The following DDX5 variants were observed in gnomAD, a reference collection of about 807,000 sequenced individuals.
DDX5 encodes probable ATP-dependent RNA helicase DDX5.
DDX5 carries 6 observed loss-of-function variants against 68.6 expected under a neutral mutation model. The observed-to-expected ratio is 0.09, with a 90% confidence interval of 0.05 to 0.17. The LOEUF (loss-of-function observed/expected upper bound fraction) is 0.17. Among genes scored for constraint, DDX5 ranks in the 10% least tolerant of loss-of-function variants. The pLI is 1.00. For synonymous variants in DDX5, 350 were observed against 247.0 expected (o/e 1.42, Z -3.91); for missense variants, 499 against 756.1 (o/e 0.66, Z 3.99).
At chr17:64,501,144 C>G (rs2038288580) in intron 11 of DDX5, 1 of 234,432 alleles carries the variant, frequency 4.3e-6, no homozygotes, top group Non-Finnish European at 8.5e-6. Flanking sequence ...TTTTGAGGAC[C>G]TTGAAACAAA....
intron 1 of DDX5, chr17:64,505,692 C>T (rs1433787981): frequency 2.6e-6 from 4 of 1,518,174 alleles, no homozygotes; most frequent in Non-Finnish European, 3.5e-6. Context: ...AAGTGGTCCC[C>T]TCGCTCCCAC....
In DDX5 at chr17:64,500,226, A is replaced by G; in HGVS notation, c.1542T>C (p.Tyr514=). Reference sequence around the variant, plus strand: ...TAAGCAGGCTAGAGTAACCTCTGTCATAATTTTCCCTGTCTCTAAAGGTAT... The same window carrying G: ...TAAGCAGGCTAGAGTAACCTCTGTCGTAATTTTCCCTGTCTCTAAAGGTAT... The part of the protein sequence containing the change: ...GFNTFRDREN[Y]DRGYSSLLKR... The change falls in exon 13 of 13, where the codon TAT becomes TAC. Residue 514 remains tyrosine, a synonymous_variant. Coordinates refer to ENST00000225792, the MANE Select transcript of DDX5 (RefSeq NM_004396.5). The G allele has an allele frequency of 6.2e-7, 1 of 1,614,200 alleles. No individual in the cohort carries two copies. The highest frequency in any genetic ancestry group is 8.5e-7 in the Non-Finnish European group (1 of 1,180,038).
At chr17:64,505,994 C>T in intron 1 of DDX5, 82 bp downstream of exon 1, 2 of 1,542,948 alleles carry the variant, frequency 1.3e-6, no homozygotes, top group Non-Finnish European at 1.7e-6. Flanking sequence ...GTCCAAGCCG[C>T]AAAGCCCCCG....
intron 11 of DDX5, 120 bp from the exon 12 acceptor site, chr17:64,500,893 T>C: frequency 5.7e-6 from 4 of 707,090 alleles, no homozygotes; most frequent in Non-Finnish European, 9.6e-6. Context: ...CTGCAAAAAA[T>C]ACAGTTAAAA....
rs2038205456 is a variant in DDX5 at position 64,498,272 on chromosome 17, T to C, written c.*1651A>G. On this transcript the variant is annotated 3_prime_UTR_variant, in exon 13 of 13. Transcript: ENST00000225792. ...GAGAGAATGGGGAGAAAAATCACAT[T>C]TATTAGTTAAGACGACCACAGGCTG... Among the ~76,000 whole-genome samples the C allele has an allele frequency of 6.6e-6, 1 of 152,110 alleles. No individual in the cohort carries two copies.
rs1555672587 is a variant in DDX5, at chr17:64,506,184, A to G, written c.-65T>C. The G allele has an allele frequency of 6.3e-7, 1 of 1,585,506 alleles. No homozygotes were observed. The highest frequency in any genetic ancestry group is 2.3e-5 in the East Asian group (1 of 43,810). On this transcript the variant is annotated 5_prime_UTR_variant, in exon 1 of 13. Coordinates refer to ENST00000225792, the MANE Select transcript of DDX5 (RefSeq NM_004396.5). ...GAAAAGCGTGCGACAAGTCGCTGGA[A>G]ATGGCCTCGATGACGGCGAAGCCTT...
chr17:64,499,067 C>A lies in DDX5; in HGVS notation c.*856G>T, dbSNP rs2038229451. On this transcript the variant is annotated 3_prime_UTR_variant, in exon 13 of 13. Transcript: ENST00000225792. Reference sequence around the variant, plus strand: ...AAGACTAGAATCTACAAGTAACCTGCACTAAGAACGAAATTCAGTAAAGGA... The same window carrying A: ...AAGACTAGAATCTACAAGTAACCTGAACTAAGAACGAAATTCAGTAAAGGA... Among the ~76,000 whole-genome samples, 7 of 152,178 alleles carry A rather than the reference C, an allele frequency of 4.6e-5. No homozygotes were observed. The highest frequency in any genetic ancestry group is 1.7e-4 in the African/African-American group (7 of 41,424).
At chr17:64,506,442 C>T (rs1161134772), upstream of DDX5, 7 of 1,330,784 alleles carry the variant, frequency 5.3e-6, no homozygotes, top group East Asian at 5.9e-5. Context: ...TTTCACCCCT[C>T]CCCGCGCCAC....
chr17:64,505,409 G>A (rs1394637944), intron 1 of DDX5: 20 of 526,492 alleles, frequency 3.8e-5, no homozygotes, highest in African/African-American at 2.7e-4. Flanking sequence ...TATAACGCAG[G>A]AAAAAAGAAA....
Position 64,499,876 on chromosome 17 carries a change from TAA to T in DDX5, c.*45_*46del. On this transcript the variant is annotated 3_prime_UTR_variant, in exon 13 of 13. Transcript: ENST00000225792. ...CTATCTTGTCAGATAACACACAATA[TAA>T]AGAGCAATTATGAAAAACAGACATT... 6.7e-7 allele frequency: 1 copy of T among 1,494,068 alleles called. No individual in the cohort carries two copies. Among genetic ancestry groups the T allele is most frequent in the Non-Finnish European group, 9.0e-7 (1 of 1,116,120 alleles). 92.6% of individuals were successfully genotyped at this position (1,494,068 alleles called of 1,614,324 possible).
At position 64,498,955 on chromosome 17, in the gene DDX5, G is replaced by C. The variant is rs1187166432; in HGVS notation, c.*968C>G. ...GTGTTGAGTATGAATAGACCTTACAGTTTGAGGATCTCTAGAATTCCCTGA... is the reference window on the plus strand; with the variant it reads ...GTGTTGAGTATGAATAGACCTTACACTTTGAGGATCTCTAGAATTCCCTGA... On this transcript the variant is annotated 3_prime_UTR_variant, in exon 13 of 13. Transcript: ENST00000225792. Among the ~76,000 whole-genome samples, 1 of 152,184 alleles carries C rather than the reference G, an allele frequency of 6.6e-6. No homozygotes were observed.
chr17:64,504,865 T>G, intron 1 of DDX5, 23 bp from the exon 2 acceptor site: 2 of 1,587,160 alleles, frequency 1.3e-6, no homozygotes, highest in Non-Finnish European at 1.7e-6. Flanking sequence ...AAAACGTTAT[T>G]CACATTTTCA....
intron 11 of DDX5, chr17:64,501,730 T>C (rs1486987342): frequency 2.0e-6 from 1 of 491,410 alleles, no homozygotes; most frequent in Non-Finnish European, 3.6e-6. Flanking sequence ...GAGAGAACAG[T>C]TTACGGGGCA....
At chr17:64,503,608 A>T (rs1317498618) in intron 5 of DDX5, 37 bp from the exon 6 acceptor site, 2 of 1,609,632 alleles carry the variant, frequency 1.2e-6, no homozygotes, top group Non-Finnish European at 1.7e-6. Flanking sequence ...ACAAACCTGG[A>T]TACTAGTTTT....
At chr17:64,502,656 G>A in intron 8 of DDX5, 107 bp from the exon 9 acceptor site, 1 of 878,856 alleles carries the variant, frequency 1.1e-6, no homozygotes, top group Non-Finnish European at 1.8e-6. Context: ...ATGGCTGGAA[G>A]TCAAAGAGGA....
Position 64,504,128 on chromosome 17 carries a change from A to G in DDX5, c.308-12T>C, listed in dbSNP as rs1555671642. 2 of 1,614,024 alleles carry G rather than the reference A, an allele frequency of 1.2e-6. No individual in the cohort carries two copies. Among genetic ancestry groups the G allele is most frequent in the Admixed American group, 3.3e-5 (2 of 60,022 alleles). On this transcript the variant is annotated splice_polypyrimidine_tract_variant and intron_variant, in intron 3 of 12. Coordinates refer to ENST00000225792, the MANE Select transcript of DDX5 (RefSeq NM_004396.5). ...ATCCATGACATTTGCTATAATTAGTAACAGATATTTAGTAAAAATTAGTGA... is the reference window on the plus strand; with the variant it reads ...ATCCATGACATTTGCTATAATTAGTGACAGATATTTAGTAAAAATTAGTGA...
intron 11 of DDX5, 97 bp downstream of exon 11, chr17:64,501,913 G>A: frequency 7.6e-7 from 1 of 1,318,206 alleles, no homozygotes; most frequent in African/African-American, 1.5e-5. Context: ...AAAAAACTTA[G>A]AAAAAATGCA....
rs1555670946 is a variant in DDX5, at chr17:64,500,742, A to G, written c.1248T>C (p.Tyr416=). The G allele has an allele frequency of 1.2e-6, 2 of 1,614,198 alleles. No homozygotes were observed. Among genetic ancestry groups the G allele is most frequent in the South Asian group, 2.2e-5 (2 of 91,088 alleles). ...AATCCTCTGAGGAGTTAGGGTAGTCATAATTGATGACAAATTTCACATCTT... is the reference window on the plus strand; with the variant it reads ...AATCCTCTGAGGAGTTAGGGTAGTCGTAATTGATGACAAATTTCACATCTT... ...DVEDVKFVIN[Y]DYPNSSEDYI... The change falls in exon 12 of 13, where the codon TAT becomes TAC. Residue 416 remains tyrosine, a synonymous_variant. Coordinates refer to ENST00000225792, the MANE Select transcript of DDX5 (RefSeq NM_004396.5).
chr17:64,505,463 G>A, intron 1 of DDX5: 2 of 564,706 alleles, frequency 3.5e-6, no homozygotes, highest in Non-Finnish European at 6.3e-6. Flanking sequence ...CGGCCCGGGC[G>A]GAGTCGGCCG....
Sources: allele counts gnomAD v4.1 joint callset (sites outside exome capture counted in the v4.1 genomes callset), GRCh38; gene constraint gnomAD v4.1.1; transcripts MANE v1.5; gene names NCBI Gene and HGNC (gene_info 2026-07-23, HGNC 2026-07-21).